Variants in APBA1 observed in about 807,000 individuals in gnomAD.
APBA1 encodes the protein amyloid beta precursor protein binding family A member 1.
In APBA1, 55 loss-of-function variants were observed where a neutral mutation model predicts 86.6. The ratio of observed to expected loss-of-function variants is 0.64; its 90% confidence interval spans 0.51 to 0.80. The LOEUF is 0.80. Among genes scored for constraint, APBA1 ranks in the 30% least tolerant of loss-of-function variants. APBA1 has a pLI of 0.00. For synonymous variants in APBA1, 511 were observed against 493.9 expected, an observed-to-expected ratio of 1.03 and a Z score of -0.46; for missense variants, 1,090 against 1,183.0, an observed-to-expected ratio of 0.92 and a Z score of 1.15.
At chr9:69,494,147 C>A (rs1238465409) in intron 2 of APBA1, 1 of 152,006 alleles carries the variant, frequency 6.6e-6, no homozygotes, top group Non-Finnish European at 1.5e-5. Context: ...ATAATTATGT[C>A]ATTAAAATGA....
At chr9:69,553,957 T>C (rs1373894242) in intron 1 of APBA1, among the ~76,000 whole-genome samples, 1 of 152,164 alleles carries the variant, frequency 6.6e-6, no homozygotes, top group Non-Finnish European at 1.5e-5. Flanking sequence ...TTTCCAGGTC[T>C]TAGAAAACAA....
At chr9:69,481,952 C>A (rs895467114) in intron 2 of APBA1, among the ~76,000 whole-genome samples, 4 of 151,058 alleles carry the variant, frequency 2.6e-5, no homozygotes, top group African/African-American at 9.8e-5. Context: ...CTTCCTTACA[C>A]CTTATACAAA....
intron 10 of APBA1, among the ~76,000 whole-genome samples, chr9:69,445,832 C>T (rs1044940187): frequency 6.6e-6 from 1 of 152,202 alleles, no homozygotes; most frequent in Admixed American, 6.5e-5. Context: ...GCAGAATGCA[C>T]ACTTTGGATC....
intron 11 of APBA1, among the ~76,000 whole-genome samples, chr9:69,434,643 G>T (rs1231075991): frequency 6.6e-6 from 1 of 151,120 alleles, no homozygotes; most frequent in Non-Finnish European, 1.5e-5. Flanking sequence ...GGAGGTGGAG[G>T]TTGCAGTGAG....
chr9:69,504,952 A>G (rs1047291257), intron 2 of APBA1, among the ~76,000 whole-genome samples: 1 of 151,946 alleles, frequency 6.6e-6, no homozygotes, highest in Non-Finnish European at 1.5e-5. Flanking sequence ...TTTTTCAGCC[A>G]TACCCCTCAT....
chr9:69,488,881 T>C (rs9918983), intron 2 of APBA1, among the ~76,000 whole-genome samples: 63,480 of 151,906 alleles, frequency 0.42, 14,420 homozygotes, highest in African/African-American at 0.59. Flanking sequence ...CCATTCACAA[T>C]TGCTTCAAAG....
chr9:69,615,380 A>G (rs937592420), intron 1 of APBA1, among the ~76,000 whole-genome samples: 2 of 152,208 alleles, frequency 1.3e-5, no homozygotes, highest in Admixed American at 1.3e-4. Flanking sequence ...CATAAGTTCA[A>G]AAAGAATTTT....
At chr9:69,570,965 T>G (rs1837106082) in intron 1 of APBA1, among the ~76,000 whole-genome samples, 1 of 152,204 alleles carries the variant, frequency 6.6e-6, no homozygotes, top group African/African-American at 2.4e-5. Flanking sequence ...TATTCCGGTT[T>G]TTATCACTTC....
At chr9:69,481,916 A>C (rs1835517177) in intron 2 of APBA1, among the ~76,000 whole-genome samples, 1 of 151,852 alleles carries the variant, frequency 6.6e-6, no homozygotes, top group Non-Finnish European at 1.5e-5. Flanking sequence ...CTGGCTAGCC[A>C]TATGTAGAAA....
At chr9:69,452,806 C>A (rs1397293898) in intron 8 of APBA1, among the ~76,000 whole-genome samples, 2 of 152,234 alleles carry the variant, frequency 1.3e-5, no homozygotes, top group Non-Finnish European at 2.9e-5. Context: ...TTCAGTACTT[C>A]ACCAGGAGGA....
At chr9:69,440,199 G>T (rs1439197015) in intron 11 of APBA1, among the ~76,000 whole-genome samples, 2 of 152,202 alleles carry the variant, frequency 1.3e-5, no homozygotes, top group Non-Finnish European at 2.9e-5. Context: ...TCCTACTGGG[G>T]GGTGCCTCCC....
At chr9:69,615,803 C>T (rs2133985460) in intron 1 of APBA1, among the ~76,000 whole-genome samples, 1 of 152,328 alleles carries the variant, frequency 6.6e-6, no homozygotes, top group South Asian at 2.1e-4. Flanking sequence ...AGAAGCTGCT[C>T]TGTTCCTGAA....
chr9:69,499,657 GC>G (rs1165233605), intron 2 of APBA1, among the ~76,000 whole-genome samples: 4 of 120,624 alleles, frequency 3.3e-5, no homozygotes, highest in African/African-American at 1.2e-4. Context: ...TAGTTTCCTA[GC>G]AACGGTCCAA....
intron 4 of APBA1, among the ~76,000 whole-genome samples, chr9:69,469,453 GT>G (rs1564043827): frequency 6.6e-6 from 1 of 152,160 alleles, no homozygotes; most frequent in Non-Finnish European, 1.5e-5. Flanking sequence ...AATTAAAAGT[GT>G]TTTAGGAAAG....
At chr9:69,492,539 C>T (rs1835730913) in intron 2 of APBA1, among the ~76,000 whole-genome samples, 1 of 152,068 alleles carries the variant, frequency 6.6e-6, no homozygotes. Context: ...TAAGCTCCAA[C>T]ACTCTTAATG....
intron 1 of APBA1, among the ~76,000 whole-genome samples, chr9:69,582,447 C>T (rs922764878): frequency 6.6e-6 from 1 of 152,164 alleles, no homozygotes; most frequent in African/African-American, 2.4e-5. Flanking sequence ...AAACCACAGA[C>T]AAAGGAATGT....
chr9:69,654,520 T>C (rs1324198311), intron 1 of APBA1, among the ~76,000 whole-genome samples: 1 of 152,002 alleles, frequency 6.6e-6, no homozygotes, highest in Non-Finnish European at 1.5e-5. Context: ...ATAGAAAACC[T>C]GAATAGACCA....
intron 1 of APBA1, among the ~76,000 whole-genome samples, chr9:69,655,400 C>T (rs942228764): frequency 6.6e-6 from 1 of 151,684 alleles, no homozygotes; most frequent in Non-Finnish European, 1.5e-5. Flanking sequence ...TTGTAGTATA[C>T]AAAATCAACA....
intron 1 of APBA1, among the ~76,000 whole-genome samples, chr9:69,641,501 T>A (rs867220643): frequency 6.6e-6 from 1 of 152,150 alleles, no homozygotes; most frequent in Non-Finnish European, 1.5e-5. Flanking sequence ...AAACTTAGTA[T>A]AAAGCTACAG....
Sources: gnomAD v4.1 joint callset for allele counts (sites outside exome capture counted in the v4.1 genomes callset) on GRCh38, gnomAD v4.1.1 for gene constraint, MANE v1.5 for transcripts, NCBI Gene and HGNC (gene_info 2026-07-23, HGNC 2026-07-21) for gene names.